The following GSPT1 variants were observed in gnomAD, a reference collection of about 807,000 sequenced individuals.
GSPT1 encodes the protein G1 to S phase transition 1, also known as eukaryotic peptide chain release factor GTP-binding subunit ERF3A.
Under a neutral mutation model 72.5 loss-of-function variants are expected in GSPT1, and 20 were observed. That is an observed-to-expected ratio of 0.28 (90% CI 0.19 to 0.40). The LOEUF is 0.40. GSPT1 is among the 10% of genes least tolerant of loss of function. The probability of loss-of-function intolerance (pLI) is 1.00; values close to 1 mark genes in which losing one functional copy is unlikely to be tolerated. For missense variants in GSPT1, 580 were observed against 811.9 expected, an observed-to-expected ratio of 0.71 and a Z score of 3.47; for synonymous variants, 334 against 293.5, an observed-to-expected ratio of 1.14 and a Z score of -1.41.
chr16:11,902,440 T>C (rs1327538584), intron 1 of GSPT1, among the ~76,000 whole-genome samples: 2 of 140,098 alleles, frequency 1.4e-5, no homozygotes, highest in Non-Finnish European at 3.1e-5. Flanking sequence ...GCAAAACTAA[T>C]AGTATAATTT....
At chr16:11,895,323 TG>T in intron 4 of GSPT1, 1 of 187,148 alleles carries the variant, frequency 5.3e-6, no homozygotes, top group East Asian at 1.4e-4. Context: ...CCCAGCTACT[TG>T]GGAAGCTGAG....
Position 11,896,591 on chromosome 16 carries a change from C to T in GSPT1, c.631G>A (p.Glu211Lys). ...CCAATGAATACTACATTTACATGCTCTTTCTTAGGAGCACCTGGCGGTGCA... is the reference window on the plus strand; with the variant it reads ...CCAATGAATACTACATTTACATGCTTTTTCTTAGGAGCACCTGGCGGTGCA... ...VVAPPGAPKKEHVNVVFIGHV... is the reference protein window; with the variant it reads ...VVAPPGAPKKKHVNVVFIGHV... The change falls in exon 4 of 15, where the codon GAG becomes AAG. Residue 211 changes from glutamate to lysine, a missense_variant. Glu to Lys is a moderately conservative substitution (Grantham distance 56, BLOSUM62 1). Around this residue, in one of 6 missense-constraint regions of GSPT1, gnomAD observed 327 missense variants for 298.8 expected, o/e 1.09. Transcript: ENST00000434724. The T allele has an allele frequency of 1.2e-6, 2 of 1,605,872 alleles. No homozygotes were observed. Among genetic ancestry groups the T allele is most frequent in the Non-Finnish European group, 1.7e-6 (2 of 1,175,770 alleles).
At chr16:11,885,562 T>A (rs959499861) in intron 9 of GSPT1, among the ~76,000 whole-genome samples, 1 of 152,186 alleles carries the variant, frequency 6.6e-6, no homozygotes, top group Admixed American at 6.5e-5. Context: ...TTTCCAGCTA[T>A]GAAACCAAGA....
In GSPT1 at chr16:11,871,458, C is replaced by A. The variant is rs890302582; in HGVS notation, c.*1661G>T. The A allele has an allele frequency of 1.5e-4, 23 of 152,162 alleles. No individual in the cohort carries two copies. Among genetic ancestry groups the A allele is most frequent in the African/African-American group, 5.1e-4 (21 of 41,424 alleles). The allele number at this position is 152,162 out of a possible 1,614,324, so 9.4% of individuals were successfully genotyped here. A position where few individuals can be genotyped will look rare whatever the true frequency, so the allele number is the denominator to read the frequency against. On this transcript the variant is annotated 3_prime_UTR_variant, in exon 15 of 15. Transcript: ENST00000434724. ...TGGAGGGCTCCTGTAATCCCAGCTA[C>A]TCAAGAGGCTGAGGCAGGAAATTGC...
At chr16:11,910,934 C>G (rs2054549449) in intron 1 of GSPT1, among the ~76,000 whole-genome samples, 1 of 152,174 alleles carries the variant, frequency 6.6e-6, no homozygotes, top group Non-Finnish European at 1.5e-5. Flanking sequence ...TCCTCAGTCT[C>G]AAGCCATTCA....
chr16:11,915,702 C>CGCCACT lies in GSPT1; in HGVS notation c.13_18dup (p.Ser5_Gly6dup), dbSNP rs764420637. The CGCCACT allele has an allele frequency of 3.3e-6, 5 of 1,494,346 alleles. No homozygotes were observed. The highest frequency in any genetic ancestry group is 3.5e-6 in the Non-Finnish European group (4 of 1,131,128). 92.6% of individuals were successfully genotyped at this position (1,494,346 alleles called of 1,614,324 possible). A position where few individuals can be genotyped will look rare whatever the true frequency, so the allele number is the denominator to read the frequency against. On this transcript the variant is annotated inframe_insertion, in exon 1 of 15. Coordinates refer to ENST00000434724, the MANE Select transcript of GSPT1 (RefSeq NM_002094.4). ...CCGCCGCCGCCGCCGCCGCCGCCGC[C>CGCCACT]GCCACTGCCCGGATCCATGATCGGG...
chr16:11,903,667 G>A (rs1174232552), intron 1 of GSPT1, among the ~76,000 whole-genome samples: 1 of 152,166 alleles, frequency 6.6e-6, no homozygotes, highest in Non-Finnish European at 1.5e-5. Flanking sequence ...CTCCAACCTG[G>A]ACCACGGTGT....
Position 11,870,425 on chromosome 16 carries a change from GA to G in GSPT1, c.*2693del, listed in dbSNP as rs35853518. 2.0e-5 allele frequency: 3 copies of G among 152,132 alleles called. No individual in the cohort carries two copies. Among genetic ancestry groups the G allele is most frequent in the African/African-American group, 7.2e-5 (3 of 41,436 alleles). The allele number at this position is 152,132 out of a possible 1,614,324, so 9.4% of individuals were successfully genotyped here. On this transcript the variant is annotated 3_prime_UTR_variant, in exon 15 of 15. Coordinates refer to ENST00000434724, the MANE Select transcript of GSPT1 (RefSeq NM_002094.4). Reference sequence around the variant, plus strand: ...ACATCATTAATGTGAAAAGATGCAAGAAAAAAATCATTCTAGTAGAGCAACG... The same window carrying G: ...ACATCATTAATGTGAAAAGATGCAAGAAAAAATCATTCTAGTAGAGCAACG...
upstream of GSPT1, chr16:11,916,036 C>G (rs970846467): frequency 7.8e-6 from 5 of 639,518 alleles, no homozygotes; most frequent in Admixed American, 1.8e-5. Context: ...TCGCCGCCAC[C>G]CGTACCTTCG....
intron 1 of GSPT1, chr16:11,904,041 A>AC (rs375393924): frequency 4.4e-5 from 10 of 224,762 alleles, no homozygotes; most frequent in Admixed American, 1.2e-4. Flanking sequence ...CAAAGCTGCA[A>AC]CCCCCAGGGA....
Position 11,869,135 on chromosome 16 carries a change from T to C in GSPT1, c.*3984A>G, listed in dbSNP as rs1049676609. On this transcript the variant is annotated 3_prime_UTR_variant, in exon 15 of 15. Transcript: ENST00000434724. ...ACCAAATCTACCTGAACTGAACTGA[T>C]AGTAAACTGGGTCAAATGGAATCCA... The C allele has an allele frequency of 6.6e-6, 1 of 152,202 alleles. No homozygotes were observed. The highest frequency in any genetic ancestry group is 2.4e-5 in the African/African-American group (1 of 41,444). The allele number at this position is 152,202 out of a possible 1,614,324, so 9.4% of individuals were successfully genotyped here.
At chr16:11,902,551 G>A (rs1415663378) in intron 1 of GSPT1, among the ~76,000 whole-genome samples, 1 of 151,552 alleles carries the variant, frequency 6.6e-6, no homozygotes, top group Non-Finnish European at 1.5e-5. Flanking sequence ...CAGAACACCA[G>A]TACTGCCTGT....
intron 1 of GSPT1, among the ~76,000 whole-genome samples, chr16:11,902,594 T>C (rs1210675953): frequency 2.0e-5 from 3 of 150,786 alleles, no homozygotes; most frequent in Non-Finnish European, 4.4e-5. Flanking sequence ...TGGATCTTTT[T>C]TTTTTTTTTA....
At chr16:11,894,654 A>T (rs2054312266) in intron 5 of GSPT1, among the ~76,000 whole-genome samples, 1 of 152,194 alleles carries the variant, frequency 6.6e-6, no homozygotes, top group Admixed American at 6.5e-5. Context: ...TACTACTTTT[A>T]AAAAAATTAA....
rs1205230758 is a variant in GSPT1, at chr16:11,870,907, T to C, written c.*2212A>G. 1 of 152,198 alleles carries C rather than the reference T, an allele frequency of 6.6e-6. No individual in the cohort carries two copies. The highest frequency in any genetic ancestry group is 1.5e-5 in the Non-Finnish European group (1 of 68,030). The allele number at this position is 152,198 out of a possible 1,614,324, so 9.4% of individuals were successfully genotyped here. A position where few individuals can be genotyped will look rare whatever the true frequency, so the allele number is the denominator to read the frequency against. ...TCTTGGCAACATGCACATAATAGTC[T>C]AACAGTGTAAATGTTTTAGTAGCAA... On this transcript the variant is annotated 3_prime_UTR_variant, in exon 15 of 15. Transcript: ENST00000434724.
intron 5 of GSPT1, 121 bp from the exon 6 acceptor site, chr16:11,891,260 T>G (rs1461342552): frequency 2.7e-6 from 1 of 376,346 alleles, no homozygotes; most frequent in Non-Finnish European, 4.7e-6. Context: ...TATATGTGTG[T>G]GTCTGTCTAA....
chr16:11,892,524 A>AAAAAAAAAAAAAAAAATAAAT (rs1567443285), intron 5 of GSPT1, among the ~76,000 whole-genome samples: 1 of 126,646 alleles, frequency 7.9e-6, no homozygotes, highest in African/African-American at 3.7e-5. Context: ...CAAAAAAAAC[A>AAAAAAAAAAAAAAAAATAAAT]AAAAAAACAA....
chr16:11,885,918 C>T (rs1462803413), intron 9 of GSPT1, among the ~76,000 whole-genome samples: 1 of 151,902 alleles, frequency 6.6e-6, no homozygotes, highest in Non-Finnish European at 1.5e-5. Flanking sequence ...AAAAGAAACA[C>T]GGAGTTCAAG....
At chr16:11,882,985 T>A in intron 11 of GSPT1, 30 bp downstream of exon 11, 2 of 1,403,802 alleles carry the variant, frequency 1.4e-6, no homozygotes, top group Non-Finnish European at 1.0e-6. Context: ...AATCAATAAA[T>A]AGATAGGAAA....
Sources: gnomAD v4.1 joint callset for allele counts (sites outside exome capture counted in the v4.1 genomes callset) on GRCh38, gnomAD v4.1.1 for gene constraint, gnomAD v4.1.1 regional missense constraint, MANE v1.5 for transcripts, NCBI Gene and HGNC (gene_info 2026-07-23, HGNC 2026-07-21) for gene names.